SAMD12: variants seen among roughly 807,000 people sequenced by gnomAD.
The protein encoded by SAMD12 is sterile alpha motif domain-containing protein 12.
A neutral mutation model predicts 15.0 loss-of-function variants in SAMD12; 9 were observed. That is an observed-to-expected ratio of 0.60 (90% CI 0.36 to 1.05). SAMD12 has a LOEUF of 1.05. SAMD12 is among the 50% of genes least tolerant of loss of function. The pLI is 0.01. For synonymous variants in SAMD12, 86 were observed against 90.1 expected (o/e 0.96, Z 0.25); for missense variants, 230 against 234.2 (o/e 0.98, Z 0.12).
At chr8:118,211,723 G>T (rs1330819723) in intron 4 of SAMD12, among the ~76,000 whole-genome samples, 1 of 151,588 alleles carries the variant, frequency 6.6e-6, no homozygotes, top group East Asian at 1.9e-4. Context: ...GAACAGGATT[G>T]CGAGGGAGTC....
At chr8:118,145,784 T>C in the SAMD12 span, among the ~76,000 whole-genome samples, 1,186 of 152,340 alleles carry the variant, frequency 7.8e-3, 21 homozygotes, top group African/African-American at 0.027. Context: ...AAGTCTTAGC[T>C]GACCCAAAGA....
At chr8:118,143,596 A>G in the SAMD12 span, among the ~76,000 whole-genome samples, 1 of 152,184 alleles carries the variant, frequency 6.6e-6, no homozygotes, top group Non-Finnish European at 1.5e-5. Context: ...CCAGACTGAT[A>G]GAGCTCAGTG....
chr8:118,486,541 T>G (rs1197725832), intron 2 of SAMD12, among the ~76,000 whole-genome samples: 1 of 151,982 alleles, frequency 6.6e-6, no homozygotes, highest in Non-Finnish European at 1.5e-5. Context: ...GCAGGCATTC[T>G]CTAGAAACTA....
At chr8:118,145,414 C>A in the SAMD12 span, among the ~76,000 whole-genome samples, 134 of 152,316 alleles carry the variant, frequency 8.8e-4, 1 homozygote, top group African/African-American at 3.1e-3. Context: ...AAACATCATT[C>A]AATGTTGAAC....
chr8:118,278,817 A>G (rs1471312937), intron 4 of SAMD12, among the ~76,000 whole-genome samples: 1 of 152,238 alleles, frequency 6.6e-6, no homozygotes, highest in Non-Finnish European at 1.5e-5. Flanking sequence ...ATATGGCAGT[A>G]CAAAGCGAAG....
intron 4 of SAMD12, among the ~76,000 whole-genome samples, chr8:118,298,448 G>T (rs1016764103): frequency 6.6e-6 from 1 of 152,148 alleles, no homozygotes; most frequent in Non-Finnish European, 1.5e-5. Flanking sequence ...ATGTGAAAGA[G>T]ACTGGCTAGA....
chr8:118,500,269 G>T (rs1824747744), intron 2 of SAMD12, among the ~76,000 whole-genome samples: 1 of 151,196 alleles, frequency 6.6e-6, no homozygotes, highest in Non-Finnish European at 1.5e-5. Context: ...GTAGAGACGG[G>T]GTTTCTCCAT....
chr8:118,311,818 A>T (rs1323929858), intron 4 of SAMD12, among the ~76,000 whole-genome samples: 4 of 152,136 alleles, frequency 2.6e-5, no homozygotes, highest in Non-Finnish European at 4.4e-5. Flanking sequence ...AATAATCACC[A>T]TCCTTTTTTG....
chr8:118,170,351 G>A, the SAMD12 span, among the ~76,000 whole-genome samples: 23 of 152,120 alleles, frequency 1.5e-4, no homozygotes, highest in Non-Finnish European at 3.1e-4. Flanking sequence ...AAAATGTGGA[G>A]GGGGCTTAAA....
At chr8:118,349,489 T>G (rs1817844666) in intron 4 of SAMD12, among the ~76,000 whole-genome samples, 1 of 152,238 alleles carries the variant, frequency 6.6e-6, no homozygotes, top group Non-Finnish European at 1.5e-5. Flanking sequence ...ATCTTAGGTT[T>G]GTCATGTCCA....
chr8:118,152,781 G>A, the SAMD12 span, among the ~76,000 whole-genome samples: 1 of 152,160 alleles, frequency 6.6e-6, no homozygotes, highest in Admixed American at 6.5e-5. Flanking sequence ...TTACAAGCGT[G>A]AGCCACTGTG....
Position 118,378,225 on chromosome 8 carries a change from C to T in SAMD12, c.*1192G>A. 5.8e-6 allele frequency: 1 copy of T among 171,776 alleles called. No homozygotes were observed. Among genetic ancestry groups the T allele is most frequent in the Non-Finnish European group, 1.2e-5 (1 of 85,966 alleles). 10.6% of individuals were successfully genotyped at this position (171,776 alleles called of 1,614,324 possible). ...TTATACTGAATCTTATGAATTTAAG[C>T]AGAATTACTTGATTCTTTTCACATT... On this transcript the variant is annotated 3_prime_UTR_variant, in exon 4 of 4. Coordinates refer to ENST00000314727, the MANE Select transcript of SAMD12 (RefSeq NM_207506.3).
At chr8:118,324,763 G>A (rs7831174) in intron 4 of SAMD12, among the ~76,000 whole-genome samples, 48,784 of 151,964 alleles carry the variant, frequency 0.32, 8,632 homozygotes, top group African/African-American at 0.48. Flanking sequence ...GTGTTCATGG[G>A]ACCGCAAGTG....
chr8:118,582,166 C>A (rs368413038), intron 1 of SAMD12, among the ~76,000 whole-genome samples: 18 of 152,308 alleles, frequency 1.2e-4, no homozygotes, highest in Admixed American at 3.3e-4. Context: ...CCACTCCCTC[C>A]TTAATAGATA....
chr8:118,530,987 C>G (rs1472425565), intron 2 of SAMD12, among the ~76,000 whole-genome samples: 1 of 152,136 alleles, frequency 6.6e-6, no homozygotes, highest in Non-Finnish European at 1.5e-5. Context: ...GCTACAGGCA[C>G]ATGCCACTAC....
chr8:118,546,414 T>C (rs1274159715), intron 2 of SAMD12, among the ~76,000 whole-genome samples: 3 of 152,092 alleles, frequency 2.0e-5, no homozygotes, highest in African/African-American at 4.8e-5. Context: ...GTCCATAGGA[T>C]TCTTATCAGC....
chr8:118,327,010 C>G (rs747427923), intron 4 of SAMD12, among the ~76,000 whole-genome samples: 10 of 152,152 alleles, frequency 6.6e-5, no homozygotes, highest in Admixed American at 6.5e-4. Flanking sequence ...ATGCAGTGGC[C>G]TGCTGACATG....
intron 2 of SAMD12, among the ~76,000 whole-genome samples, chr8:118,518,406 G>A (rs1825301349): frequency 6.6e-6 from 1 of 152,164 alleles, no homozygotes. Flanking sequence ...CATCCTGTTA[G>A]TTATGGGGCC....
intron 1 of SAMD12, chr8:118,621,575 T>A: frequency 1.7e-6 from 1 of 589,764 alleles, no homozygotes; most frequent in Non-Finnish European, 3.0e-6. Context: ...CCACACCTCC[T>A]ACCTCAAAGT....
Sources: gnomAD v4.1 joint callset for allele counts (sites outside exome capture counted in the v4.1 genomes callset) on GRCh38, gnomAD v4.1.1 for gene constraint, MANE v1.5 for transcripts, NCBI Gene and HGNC (gene_info 2026-07-23, HGNC 2026-07-21) for gene names.